Variants in MROH6 observed in about 807,000 individuals in gnomAD.
MROH6 encodes the protein maestro heat like repeat family member 6, also known as maestro heat-like repeat-containing protein family member 6.
In MROH6, 62 loss-of-function variants were observed where a neutral mutation model predicts 67.7. The ratio of observed to expected loss-of-function variants is 0.92; its 90% CI spans 0.75 to 1.13. MROH6 has a LOEUF of 1.13. MROH6 is among the 50% of genes most tolerant of loss of function. MROH6 has a pLI of 0.00. For synonymous variants in MROH6, 566 were observed against 470.8 expected (o/e 1.20, Z -2.62); for missense variants, 1,175 against 1,029.1 (o/e 1.14, Z -1.94).
At chr8:143,569,351 G>A (rs1222132581) in intron 9 of MROH6, 90 bp downstream of exon 9, 1 of 1,154,248 alleles carries the variant, frequency 8.7e-7, no homozygotes, top group African/African-American at 1.9e-5. Context: ...GGGCGGGAGA[G>A]ACGGGGGCGG....
chr8:143,570,328 C>G lies in MROH6; in HGVS notation c.958G>C (p.Val320Leu). 3.7e-6 allele frequency: 6 copies of G among 1,610,254 alleles called. No individual in the cohort carries two copies. The highest frequency in any genetic ancestry group is 5.1e-6 in the Non-Finnish European group (6 of 1,179,742). ...ALLTGDGGRM[V>L]VTCMEQAGGW... ...CCTGCCTGCTCCATGCACGTGACCA[C>G]CATGCGGCCTCCATCCCCGGTGAGC... Residue 320 changes from valine (V) to leucine (L), a missense_variant, in exon 6 of 14, where the codon GTG (valine) becomes CTG (leucine). Transcript: ENST00000398882.
chr8:143,569,364 C>T, intron 9 of MROH6, 77 bp downstream of exon 9: 1 of 1,161,196 alleles, frequency 8.6e-7, no homozygotes, highest in Non-Finnish European at 1.1e-6. Context: ...GGGGGCGGGG[C>T]CTGGGAGGGA....
Position 143,567,057 on chromosome 8 carries a change from GT to G in MROH6, c.*181del, listed in dbSNP as rs1254353457. ...TGACGGGGACAGATGGGTGCTGGCTGTCCCCCTCTGTCACCATCAGGGTGGT... is the reference window on the plus strand; with the variant it reads ...TGACGGGGACAGATGGGTGCTGGCTGCCCCCTCTGTCACCATCAGGGTGGT... On this transcript the variant is annotated 3_prime_UTR_variant, in exon 14 of 14. Transcript: ENST00000398882. The G allele has an allele frequency of 1.2e-5, 4 of 326,424 alleles. No individual in the cohort carries two copies. The Admixed American group carries it at 2.1e-4, about 17-fold the overall frequency. 20.2% of individuals were successfully genotyped at this position (326,424 alleles called of 1,614,324 possible).
chr8:143,569,876 C>T (rs1273716073), intron 7 of MROH6, 36 bp from the exon 8 acceptor site: 1 of 1,610,264 alleles, frequency 6.2e-7, no homozygotes, highest in Admixed American at 1.7e-5. Context: ...CGCCCGCGGT[C>T]CCCGTGCAGG....
In MROH6 at chr8:143,570,381, C is replaced by G. The variant is rs534704829; in HGVS notation, c.906-1G>C. 1 of 1,609,720 alleles carries G rather than the reference C, an allele frequency of 6.2e-7. No homozygotes were observed. The highest frequency in any genetic ancestry group is 1.3e-5 in the African/African-American group (1 of 74,984). The stretch of plus-strand genomic sequence containing the variant: ...CGCCTTCAAGGCCTCCACAGCACAG[C>G]TGGTGGTGGGGACAGTGAGCAGGTG... On this transcript the variant is annotated splice_acceptor_variant, in intron 5 of 13. Coordinates refer to ENST00000398882, the MANE Select transcript of MROH6 (RefSeq NM_001100878.2). LOFTEE classifies it high-confidence loss of function.
In MROH6 at chr8:143,570,582, G is replaced by A. The variant is rs981535194; in HGVS notation, c.796C>T (p.Leu266=). 3 of 1,606,548 alleles carry A rather than the reference G, an allele frequency of 1.9e-6. No homozygotes were observed. The African/African-American group carries it at 4.0e-5, about 21-fold the overall frequency. The stretch of plus-strand genomic sequence containing the variant: ...TGCAGCTGTGTGACCAGCGCAAGCA[G>A]CAGATGTGGGTAGAAGCCCCTCGTG... ...GATRGFYPHL[L]LALVTQLHKL... is the part of the protein sequence containing the mutation. Residue 266 remains leucine (L), a synonymous_variant, in exon 5 of 14, where the codon CTG becomes TTG. Transcript: ENST00000398882.
At chr8:143,571,162 G>A (rs965574604) in intron 3 of MROH6, among the ~76,000 whole-genome samples, 168 bp from the exon 4 acceptor site, 3 of 152,192 alleles carry the variant, frequency 2.0e-5, no homozygotes, top group Admixed American at 6.5e-5. Context: ...CAAATGAAGG[G>A]TTAATTGTGC....
At chr8:143,572,395 A>C in intron 1 of MROH6, 26 bp downstream of exon 1, 1 of 1,532,712 alleles carries the variant, frequency 6.5e-7, no homozygotes, top group Admixed American at 1.9e-5. Context: ...GCCGGTTCGC[A>C]CAACATCCCT....
intron 9 of MROH6, 112 bp downstream of exon 9, chr8:143,569,329 A>AGGGCGGGGCCTGGGCGGGAGAGACGG (rs1563916576): frequency 1.1e-5 from 8 of 714,092 alleles, no homozygotes; most frequent in African/African-American, 3.1e-5. Context: ...GGGGCCTGAG[A>AGGGCGGGGCCTGGGCGGGAGAGACGG]GGGCGGGGCC....
chr8:143,569,025 A>C, intron 9 of MROH6: 1 of 70,294 alleles, frequency 1.4e-5, no homozygotes. Flanking sequence ...GGCGGTCAGG[A>C]GGGAAGAAAT....
Position 143,568,618 on chromosome 8 carries a change from C to G in MROH6, c.1578G>C (p.Lys526Asn). ...GCGGCACGAGACTCTGCAGCACCAG[C>G]TTCCGCAGGGGGCCGCGGAGCCCCA... ...LRLGLRGPLR[K>N]LVLQSLVPLL... is the part of the protein sequence containing the mutation. The change falls in exon 10 of 14, where the codon AAG (lysine) becomes AAC (asparagine). Residue 526 changes from lysine (K) to asparagine (N), a missense_variant. Lys to Asn is a moderately conservative substitution (Grantham distance 94). Transcript: ENST00000398882. 1 of 1,542,702 alleles carries G rather than the reference C, an allele frequency of 6.5e-7. No individual in the cohort carries two copies.
At chr8:143,568,832 C>A in intron 9 of MROH6, 113 bp from the exon 10 acceptor site, 1 of 784,952 alleles carries the variant, frequency 1.3e-6, no homozygotes. Context: ...GCTGCTGACT[C>A]GGTGTGATCT....
chr8:143,569,993 C>G lies in MROH6; in HGVS notation c.1116G>C (p.Ala372=), dbSNP rs765980828. The change falls in exon 7 of 14, where the codon GCG becomes GCC. Residue 372 remains alanine, a synonymous_variant. Coordinates refer to ENST00000398882, the MANE Select transcript of MROH6 (RefSeq NM_001100878.2). Reference sequence around the variant, plus strand: ...TAGCCGTGAGACGCTGCGGGTCGTCCGCGCTGCGAAGCCGAGGGAGCAAGT... The same window carrying G: ...TAGCCGTGAGACGCTGCGGGTCGTCGGCGCTGCGAAGCCGAGGGAGCAAGT... ...FADLLPRLRS[A]DDPQRLTAMA... 2 of 1,613,206 alleles carry G rather than the reference C, an allele frequency of 1.2e-6. No homozygotes were observed. Among genetic ancestry groups the G allele is most frequent in the Non-Finnish European group, 1.7e-6 (2 of 1,179,860 alleles).
rs191334675 is a variant in MROH6, at chr8:143,571,000, G to A, written c.603-6C>T. 57 of 1,548,358 alleles carry A rather than the reference G, an allele frequency of 3.7e-5. No individual in the cohort carries two copies. Among genetic ancestry groups the A allele is most frequent in the East Asian group, 3.4e-4 (14 of 40,906 alleles). Reference sequence around the variant, plus strand: ...GCCAGAGCTCGGCTGCTACCCTGAGGGTTTGGAGGGGGCTGGTGTGAGACA... The same window carrying A: ...GCCAGAGCTCGGCTGCTACCCTGAGAGTTTGGAGGGGGCTGGTGTGAGACA... On this transcript the variant is annotated splice_polypyrimidine_tract_variant and splice_region_variant and intron_variant, in intron 3 of 13. Transcript: ENST00000398882.
chr8:143,572,206 C>T lies in MROH6; in HGVS notation c.295-21G>A, dbSNP rs747585175. ...GGAACCTAGGGCAGGATGGGTGGGG[C>T]GTCTGAAGTGCCCAAACCTCTCCTA... On this transcript the variant is annotated intron_variant, in intron 1 of 13. Transcript: ENST00000398882. The T allele has an allele frequency of 2.7e-5, 44 of 1,610,692 alleles. No homozygotes were observed. In the South Asian group the frequency reaches 3.0e-4, roughly 11 times the overall value.
intron 3 of MROH6, among the ~76,000 whole-genome samples, chr8:143,571,221 C>T (rs1025881491): frequency 6.6e-6 from 1 of 152,212 alleles, no homozygotes; most frequent in Non-Finnish European, 1.5e-5. Flanking sequence ...TGGGGACCCA[C>T]TGGGAGTCCC....
intron 9 of MROH6, among the ~76,000 whole-genome samples, 173 bp downstream of exon 9, chr8:143,569,268 G>A (rs1261606394): frequency 2.1e-5 from 2 of 93,846 alleles, no homozygotes; most frequent in Non-Finnish European, 4.2e-5. Context: ...GCGGGGCCTG[G>A]GAGGGAGACT....
chr8:143,571,902 C>T, intron 2 of MROH6, 81 bp from the exon 3 acceptor site: 1 of 1,495,276 alleles, frequency 6.7e-7, no homozygotes, highest in Non-Finnish European at 9.0e-7. Flanking sequence ...CACCTCCACC[C>T]CCACCCTGAT....
chr8:143,571,041 T>A (rs1824006114), intron 3 of MROH6, 47 bp from the exon 4 acceptor site: 1 of 1,512,248 alleles, frequency 6.6e-7, no homozygotes, highest in Non-Finnish European at 9.0e-7. Context: ...TGGGTGGGTG[T>A]CCAGGGAATG....
Sources: allele counts gnomAD v4.1 joint callset (sites outside exome capture counted in the v4.1 genomes callset), GRCh38; gene constraint gnomAD v4.1.1; transcripts MANE v1.5; gene names NCBI Gene and HGNC (gene_info 2026-07-23, HGNC 2026-07-21).